KIAA2012: variants seen among roughly 807,000 people sequenced by gnomAD.
The protein encoded by KIAA2012 is uncharacterized protein KIAA2012.
Under a neutral mutation model 150.6 loss-of-function variants are expected in KIAA2012, and 125 were observed. The ratio of observed to expected loss-of-function variants is 0.83; its 90% confidence interval spans 0.72 to 0.96. KIAA2012 has a LOEUF of 0.96. KIAA2012 is among the 40% of genes least tolerant of loss of function. The pLI is 0.00. For synonymous variants in KIAA2012, 462 were observed against 504.7 expected (o/e 0.92, Z 1.13); for missense variants, 1,219 against 1,354.9 (o/e 0.90, Z 1.57).
intron 10 of KIAA2012, 53 bp from the exon 11 acceptor site, chr2:202,113,283 T>A: frequency 7.1e-7 from 1 of 1,413,908 alleles, no homozygotes; most frequent in Non-Finnish European, 9.7e-7. Flanking sequence ...GTTTGGTCTG[T>A]CTCCCTCACC....
At chr2:202,127,725 C>G (rs1337383913) in intron 12 of KIAA2012, among the ~76,000 whole-genome samples, 3 of 152,236 alleles carry the variant, frequency 2.0e-5, no homozygotes, top group African/African-American at 7.2e-5. Context: ...ATGCAAATCT[C>G]TTTCCTATTT....
At chr2:202,099,990 G>A (rs879387510) in intron 6 of KIAA2012, among the ~76,000 whole-genome samples, 194 bp downstream of exon 6, 61 of 152,144 alleles carry the variant, frequency 4.0e-4, no homozygotes, top group African/African-American at 1.4e-3. Flanking sequence ...GCATGCATTC[G>A]GAAATCATAC....
At chr2:202,198,397 G>T (rs1459454523) in intron 22 of KIAA2012, among the ~76,000 whole-genome samples, 1 of 152,140 alleles carries the variant, frequency 6.6e-6, no homozygotes, top group Non-Finnish European at 1.5e-5. Flanking sequence ...ATAAAAGACA[G>T]TATGGATGGA....
intron 15 of KIAA2012, among the ~76,000 whole-genome samples, chr2:202,178,400 A>G (rs1225848744): frequency 6.6e-6 from 1 of 152,108 alleles, no homozygotes; most frequent in African/African-American, 2.4e-5. Flanking sequence ...CTTCCTAAAT[A>G]TCAGGTTATT....
chr2:202,144,595 G>A (rs1691260947), intron 13 of KIAA2012, among the ~76,000 whole-genome samples: 1 of 152,142 alleles, frequency 6.6e-6, no homozygotes, highest in Admixed American at 6.5e-5. Flanking sequence ...TTTTATTTCA[G>A]TGTCCTTTTA....
rs1691131490 is a variant in KIAA2012, at chr2:202,138,514, G to C, written c.1908+6G>C. ...CCCAAACAACAGAGAAGCAGGTATA[G>C]TATTGACTCTGAATGAGGATGACAC... On this transcript the variant is annotated splice_donor_region_variant and intron_variant, in intron 13 of 23. Coordinates refer to ENST00000498697, the MANE Select transcript of KIAA2012 (RefSeq NM_001277372.4). The C allele has an allele frequency of 6.5e-7, 1 of 1,545,676 alleles. No individual in the cohort carries two copies. The highest frequency in any genetic ancestry group is 1.4e-5 in the African/African-American group (1 of 72,924).
chr2:202,187,199 C>A, intron 17 of KIAA2012, 101 bp downstream of exon 17: 1 of 1,304,788 alleles, frequency 7.7e-7, no homozygotes, highest in Non-Finnish European at 1.0e-6. Context: ...TGAGGGCACC[C>A]GATAAAGGGG....
rs1690009055 is a variant in KIAA2012, at chr2:202,100,307, A to G, written c.1013A>G (p.Asp338Gly). 1.9e-6 allele frequency: 3 copies of G among 1,549,498 alleles called. No individual in the cohort carries two copies. The East Asian group carries it at 7.3e-5, about 38-fold the overall frequency. The change falls in exon 7 of 24, where the codon GAT becomes GGT. Residue 338 changes from aspartate (D) to glycine (G), a missense_variant and splice_region_variant. Transcript: ENST00000498697. ...AFPNRKADLS[D>G]KQRNVKLHKA... ...TCTCATTCTCATCCTGTTTTTAAAG[A>G]TAAACAAAGGAACGTGAAACTCCAC...
intron 7 of KIAA2012, 133 bp downstream of exon 7, chr2:202,100,582 G>A (rs540409620): frequency 2.9e-6 from 3 of 1,038,770 alleles, no homozygotes; most frequent in East Asian, 2.7e-5. Context: ...TAGCGTCTGA[G>A]CTGACCAGGT....
chr2:202,093,155 T>C lies in KIAA2012; in HGVS notation c.655T>C (p.Trp219Arg). The C allele has an allele frequency of 1.3e-6, 2 of 1,551,278 alleles. No individual in the cohort carries two copies. Among genetic ancestry groups the C allele is most frequent in the Non-Finnish European group, 1.7e-6 (2 of 1,147,130 alleles). Residue 219 changes from tryptophan (W) to arginine (R), a missense_variant, in exon 4 of 24, where the codon TGG (tryptophan) becomes CGG (arginine). Transcript: ENST00000498697. ...YHLLPVFPSF[W>R]IQQGKSFEQR... The stretch of plus-strand genomic sequence containing the variant: ...TCTCCTGCCTGTCTTCCCTTCATTT[T>C]GGATTCAACAAGGAAAATCTTTTGA...
chr2:202,194,484 A>C, intron 21 of KIAA2012, 122 bp downstream of exon 21: 1 of 1,040,534 alleles, frequency 9.6e-7, no homozygotes, highest in Non-Finnish European at 1.3e-6. Context: ...TCTAAATAAT[A>C]TAAACTATTT....
intron 16 of KIAA2012, among the ~76,000 whole-genome samples, chr2:202,185,373 C>T (rs568419379): frequency 6.4e-4 from 97 of 152,268 alleles, no homozygotes; most frequent in Non-Finnish European, 1.1e-3. Context: ...GCCTCTCTGC[C>T]TCCATCTGGA....
chr2:202,192,376 T>C (rs1692338109), intron 19 of KIAA2012, among the ~76,000 whole-genome samples: 1 of 151,950 alleles, frequency 6.6e-6, no homozygotes, highest in Admixed American at 6.6e-5. Context: ...CAACCTTCCA[T>C]TGGAAAGGTG....
intron 13 of KIAA2012, among the ~76,000 whole-genome samples, chr2:202,150,902 C>T (rs1691413735): frequency 1.3e-5 from 2 of 152,180 alleles, no homozygotes; most frequent in Admixed American, 1.3e-4. Flanking sequence ...GAGACCTTGA[C>T]TCCTGATCAC....
At chr2:202,176,556 C>G (rs1691995866) in intron 15 of KIAA2012, among the ~76,000 whole-genome samples, 1 of 152,128 alleles carries the variant, frequency 6.6e-6, no homozygotes, top group Non-Finnish European at 1.5e-5. Flanking sequence ...AGTTAAAAGC[C>G]AAATTGCAGA....
chr2:202,144,085 G>T (rs577304011), intron 13 of KIAA2012, among the ~76,000 whole-genome samples: 1 of 152,290 alleles, frequency 6.6e-6, no homozygotes, highest in South Asian at 2.1e-4. Context: ...AAGAAAGAAA[G>T]CATCTCACCA....
chr2:202,131,640 GAGA>G (rs1394016163), intron 12 of KIAA2012, among the ~76,000 whole-genome samples: 2 of 152,210 alleles, frequency 1.3e-5, no homozygotes, highest in Non-Finnish European at 2.9e-5. Context: ...CCTGGAGGTT[GAGA>G]AGGCTTTTGG....
intron 15 of KIAA2012, among the ~76,000 whole-genome samples, chr2:202,169,747 T>A (rs555256174): frequency 6.6e-6 from 1 of 152,366 alleles, no homozygotes; most frequent in East Asian, 1.9e-4. Flanking sequence ...AAGTGATTCG[T>A]ATGCCCACTG....
At chr2:202,150,497 G>A (rs761912767) in intron 13 of KIAA2012, among the ~76,000 whole-genome samples, 1 of 151,670 alleles carries the variant, frequency 6.6e-6, no homozygotes, top group Non-Finnish European at 1.5e-5. Context: ...CGCCGAGGCT[G>A]GAGTGCAGTG....
Sources: allele counts gnomAD v4.1 joint callset (sites outside exome capture counted in the v4.1 genomes callset), GRCh38; gene constraint gnomAD v4.1.1; transcripts MANE v1.5; gene names NCBI Gene and HGNC (gene_info 2026-07-23, HGNC 2026-07-21).